Variants in NAALADL2 observed in about 807,000 individuals in gnomAD.
NAALADL2 encodes N-acetylated alpha-linked acidic dipeptidase like 2, also known as inactive N-acetylated-alpha-linked acidic dipeptidase-like protein 2.
NAALADL2 carries 76 observed loss-of-function variants against 87.2 expected under a neutral mutation model. That is an observed-to-expected ratio of 0.87 (90% CI 0.72 to 1.05). NAALADL2 has a LOEUF of 1.05. NAALADL2 is among the 50% of genes least tolerant of loss of function. The pLI is 0.00. For synonymous variants in NAALADL2, 354 were observed against 331.0 expected (o/e 1.07, Z -0.75); for missense variants, 1,089 against 945.8 (o/e 1.15, Z -1.99).
intron 4 of NAALADL2, among the ~76,000 whole-genome samples, chr3:175,278,544 A>G (rs570072270): frequency 2.0e-5 from 3 of 152,314 alleles, no homozygotes; most frequent in African/African-American, 7.2e-5. Flanking sequence ...TGGTGTGTCA[A>G]CTTTTTGGAT....
At chr3:175,598,443 A>C (rs144743190) in intron 10 of NAALADL2, among the ~76,000 whole-genome samples, 3,914 of 151,882 alleles carry the variant, frequency 0.026, 88 homozygotes, top group Admixed American at 0.07. Flanking sequence ...TCTTAATGTT[A>C]ATAATAACAA....
intron 12 of NAALADL2, among the ~76,000 whole-genome samples, chr3:175,742,219 C>T (rs1332916090): frequency 1.3e-5 from 2 of 152,122 alleles, no homozygotes; most frequent in East Asian, 1.9e-4. Context: ...AGCTTGTTTT[C>T]AATCTTTGTA....
At chr3:174,635,276 A>C (rs544646001) in intron 2 of NAALADL2, among the ~76,000 whole-genome samples, 179 of 152,300 alleles carry the variant, frequency 1.2e-3, no homozygotes, top group African/African-American at 4.3e-3. Flanking sequence ...CTAATTTTAG[A>C]GTACTTAATC....
intron 2 of NAALADL2, among the ~76,000 whole-genome samples, chr3:175,123,847 C>T (rs571908420): frequency 3.3e-5 from 5 of 152,070 alleles, no homozygotes; most frequent in Admixed American, 3.3e-4. Context: ...TCTTGATTAT[C>T]AGTTTTGTTT....
At chr3:174,976,736 A>AGCAAAATATT (rs1429149537) in intron 1 of NAALADL2, among the ~76,000 whole-genome samples, 1 of 152,254 alleles carries the variant, frequency 6.6e-6, no homozygotes, top group Admixed American at 6.5e-5. Flanking sequence ...AGTAAAGTAT[A>AGCAAAATATT]GCAAAATATT....
intron 1 of NAALADL2, among the ~76,000 whole-genome samples, chr3:174,882,550 T>C (rs141729466): frequency 1.6e-3 from 231 of 143,992 alleles, no homozygotes; most frequent in African/African-American, 5.6e-3. Context: ...CACACATATG[T>C]ACATATGTGT....
intron 3 of NAALADL2, among the ~76,000 whole-genome samples, chr3:174,825,804 G>C (rs1721915426): frequency 6.6e-6 from 1 of 152,146 alleles, no homozygotes. Context: ...GAGGTGGGCA[G>C]ATAACGAGGT....
intron 2 of NAALADL2, among the ~76,000 whole-genome samples, chr3:175,120,683 G>A (rs1241616750): frequency 6.6e-6 from 1 of 151,792 alleles, no homozygotes; most frequent in Non-Finnish European, 1.5e-5. Context: ...CTAGATGATT[G>A]TAACACAACT....
chr3:175,412,210 T>C (rs1458932602), intron 5 of NAALADL2, among the ~76,000 whole-genome samples: 1 of 152,218 alleles, frequency 6.6e-6, no homozygotes, highest in African/African-American at 2.4e-5. Flanking sequence ...TCTTACAGTC[T>C]TTTCCCCCCT....
At chr3:174,461,895 C>T (rs543851450) in intron 1 of NAALADL2, among the ~76,000 whole-genome samples, 3 of 151,904 alleles carry the variant, frequency 2.0e-5, no homozygotes, top group Admixed American at 6.6e-5. Context: ...ATGTGAAAAT[C>T]ACTTTTAAAC....
Position 175,083,416 on chromosome 3 carries a change from T to C in NAALADL2, c.44-13374T>C, listed in dbSNP as rs148030737. ...CATTTAATTAACGTTAACCAACTTT[T>C]ATTCATCAGTTGTGACCTTTCAGTA... On this transcript the variant is annotated intron_variant, in intron 1 of 13. Coordinates refer to ENST00000454872, the MANE Select transcript of NAALADL2 (RefSeq NM_207015.3). Among the ~76,000 whole-genome samples the C allele has an allele frequency of 1.4e-3, 220 of 152,360 alleles. 1 individual carries two copies. The highest frequency in any genetic ancestry group is 5.2e-3 in the African/African-American group (215 of 41,582).
At chr3:174,544,742 T>C (rs1350237889) in intron 1 of NAALADL2, among the ~76,000 whole-genome samples, 1 of 151,752 alleles carries the variant, frequency 6.6e-6, no homozygotes, top group Non-Finnish European at 1.5e-5. Flanking sequence ...AGCTAATTTT[T>C]GTATTTTTAG....
chr3:175,312,007 T>A (rs1426402568), intron 4 of NAALADL2, among the ~76,000 whole-genome samples: 1 of 152,160 alleles, frequency 6.6e-6, no homozygotes, highest in Non-Finnish European at 1.5e-5. Context: ...ACAGTGAATT[T>A]TCCTAATCAT....
intron 5 of NAALADL2, among the ~76,000 whole-genome samples, chr3:175,338,649 AC>A (rs1762270209): frequency 6.7e-6 from 1 of 150,102 alleles, no homozygotes; most frequent in Non-Finnish European, 1.5e-5. Flanking sequence ...ACACACACAC[AC>A]ACACACACAC....
chr3:174,642,781 TATATATATG>T (rs1232869161), intron 2 of NAALADL2, among the ~76,000 whole-genome samples: 2 of 129,358 alleles, frequency 1.5e-5, no homozygotes, highest in Non-Finnish European at 3.0e-5. Context: ...TATATATATA[TATATATATG>T]TTTTTTTTCA....
At chr3:175,122,115 C>A (rs1726248184) in intron 2 of NAALADL2, among the ~76,000 whole-genome samples, 1 of 151,696 alleles carries the variant, frequency 6.6e-6, no homozygotes, top group Admixed American at 6.6e-5. Flanking sequence ...CTTGTGAATC[C>A]CACTTTTACA....
At position 174,839,323 on chromosome 3, in the gene NAALADL2, T is replaced by C. The variant is rs189037799; in HGVS notation, c.-9+101577T>C. Among the ~76,000 whole-genome samples, 30 of 152,174 alleles carry C rather than the reference T, an allele frequency of 2.0e-4. No individual in the cohort carries two copies. The East Asian group carries it at 4.6e-3, about 24-fold the overall frequency. ...AAAATGAAACTGGATTCTGTTCTCTTACCTTATACAAAAATCAACTCAAGA... is the reference window on the plus strand; with the variant it reads ...AAAATGAAACTGGATTCTGTTCTCTCACCTTATACAAAAATCAACTCAAGA... On this transcript the variant is annotated intron_variant, in intron 3 of 3. Coordinates refer to the NAALADL2 transcript ENST00000434257.
rs372738148 is a variant in NAALADL2 at position 175,789,463 on chromosome 3, A to G, written c.2190-13542A>G. ...GAAGAATCATCTCACAGACTACCTGACATTTACATAATTTCAATTGAGAAC... is the reference window on the plus strand; with the variant it reads ...GAAGAATCATCTCACAGACTACCTGGCATTTACATAATTTCAATTGAGAAC... On this transcript the variant is annotated intron_variant, in intron 13 of 13. Transcript: ENST00000454872. Among the ~76,000 whole-genome samples the G allele has an allele frequency of 2.1e-4, 32 of 152,274 alleles. 2 individuals carry two copies. The East Asian group carries it at 4.4e-3, about 21-fold the overall frequency.
At chr3:175,275,942 C>T (rs115294694) in intron 4 of NAALADL2, among the ~76,000 whole-genome samples, 2,175 of 151,368 alleles carry the variant, frequency 0.014, 46 homozygotes, top group African/African-American at 0.047. Flanking sequence ...TATTAACCAC[C>T]AGAAGTTACA....
Sources: allele counts gnomAD v4.1 joint callset (sites outside exome capture counted in the v4.1 genomes callset), GRCh38; gene constraint gnomAD v4.1.1; transcripts MANE v1.5; gene names NCBI Gene and HGNC (gene_info 2026-07-23, HGNC 2026-07-21).